BACH1: variants seen among roughly 807,000 people sequenced by gnomAD.
BACH1 encodes the protein transcription regulator protein BACH1.
Under a neutral mutation model 52.9 loss-of-function variants are expected in BACH1, and 35 were observed. The ratio of observed to expected loss-of-function variants is 0.66; its 90% CI spans 0.51 to 0.88. BACH1 has a LOEUF of 0.88. BACH1 is among the 40% of genes least tolerant of loss of function. The pLI, the probability that BACH1 is intolerant of heterozygous loss-of-function variation, is 0.00. For missense variants in BACH1, 808 were observed against 872.6 expected (o/e 0.93, Z 0.93); for synonymous variants, 321 against 319.6 (o/e 1.00, Z -0.05).
intron 2 of BACH1, among the ~76,000 whole-genome samples, chr21:29,356,451 A>G (rs574111865): frequency 6.6e-6 from 1 of 152,378 alleles, no homozygotes; most frequent in East Asian, 1.9e-4. Context: ...GTTTGAACAG[A>G]CCAATTATTA....
At position 29,358,755 on chromosome 21, in the gene BACH1, AAAAGAAAAGAAAAGAAAAGAAAG is replaced by A. The variant is rs1458753344; in HGVS notation, c.472+29070_472+29092del. Among the ~76,000 whole-genome samples the A allele has an allele frequency of 2.8e-3, 307 of 110,484 alleles. 2 individuals are homozygous for A. The highest frequency in any genetic ancestry group is 9.9e-3 in the African/African-American group (275 of 27,866). The allele number at this position is 110,484 out of a possible 152,430, so 72.5% of individuals were successfully genotyped here. ...ACTCTGTCTCAGAAAAAAAGAAAAG[AAAAGAAAAGAAAAGAAAAGAAAG>A]AAAGAAAGAAAGAAAGAAAGAAAGA... On this transcript the variant is annotated intron_variant, in intron 2 of 4. Coordinates refer to the BACH1 transcript ENST00000422809.
Position 29,345,730 on chromosome 21 carries a change from G to A in BACH1, c.*2897G>A, listed in dbSNP as rs549496011. The A allele has an allele frequency of 6.6e-6, 1 of 152,622 alleles. No individual in the cohort carries two copies. The highest frequency in any genetic ancestry group is 1.9e-4 in the East Asian group (1 of 5,184). The allele number at this position is 152,622 out of a possible 1,614,324, so 9.5% of individuals were successfully genotyped here. On this transcript the variant is annotated 3_prime_UTR_variant, in exon 5 of 5. Coordinates refer to ENST00000286800, the MANE Select transcript of BACH1 (RefSeq NM_001186.4). ...ACATTAACAACTTGGGAAAAAAATG[G>A]CAATGTTACGGTGAATTCTCAGGTG...
downstream of BACH1, among the ~76,000 whole-genome samples, chr21:29,346,352 G>T (rs1425677576): frequency 6.6e-6 from 1 of 152,030 alleles, no homozygotes; most frequent in African/African-American, 2.4e-5. Context: ...TTTACTTAAT[G>T]TTAGTTTGGA....
At chr21:29,310,127 A>G (rs1484273693) in intron 1 of BACH1, among the ~76,000 whole-genome samples, 1 of 152,192 alleles carries the variant, frequency 6.6e-6, no homozygotes, top group East Asian at 1.9e-4. Flanking sequence ...TCAACTTATC[A>G]TGTAGTGACA....
In BACH1 at chr21:29,345,926, T is replaced by C. The variant is rs1225962899; in HGVS notation, c.*3093T>C. The C allele has an allele frequency of 1.3e-5, 2 of 152,658 alleles. No individual in the cohort carries two copies. Among genetic ancestry groups the C allele is most frequent in the African/African-American group, 4.8e-5 (2 of 41,472 alleles). 9.5% of individuals were successfully genotyped at this position (152,658 alleles called of 1,614,324 possible). On this transcript the variant is annotated 3_prime_UTR_variant, in exon 5 of 5. Transcript: ENST00000286800. ...AAAGAAGCAGAAAAACATTGATTTT[T>C]TTATATCTTTCATAATATAATTTTC...
At position 29,318,931 on chromosome 21, in the gene BACH1, T is replaced by C. The variant is rs143090380; in HGVS notation, c.-60-2290T>C. ...CCCACATTGCTGCAGTGAATCTCCA[T>C]ACTGTGCGTTCAGCTAGTACTAACT... On this transcript the variant is annotated intron_variant, in intron 1 of 4. Coordinates refer to ENST00000286800, the MANE Select transcript of BACH1 (RefSeq NM_001186.4). Among the ~76,000 whole-genome samples, 30 of 152,300 alleles carry C rather than the reference T, an allele frequency of 2.0e-4. No individual in the cohort carries two copies. In the East Asian group the frequency reaches 4.8e-3, roughly 24 times the overall value.
At chr21:29,323,038 T>G (rs2088867294) in intron 2 of BACH1, among the ~76,000 whole-genome samples, 1 of 143,314 alleles carries the variant, frequency 7.0e-6, no homozygotes, top group Non-Finnish European at 1.5e-5. Flanking sequence ...AATGTGTAAA[T>G]CATAAGTTTT....
At chr21:29,358,770 A>AAAAGAAAGAAAGAAG (rs1555888604) in intron 2 of BACH1, among the ~76,000 whole-genome samples, 6 of 108,890 alleles carry the variant, frequency 5.5e-5, no homozygotes, top group African/African-American at 2.0e-4. Flanking sequence ...AAAAGAAAAG[A>AAAAGAAAGAAAGAAG]AAAGAAAGAA....
At chr21:29,327,436 T>C in intron 3 of BACH1, 43 bp downstream of exon 3, 1 of 1,570,780 alleles carries the variant, frequency 6.4e-7, no homozygotes, top group South Asian at 1.2e-5. Context: ...TAATAACCAT[T>C]AATTGGGATT....
rs750945531 is a variant in BACH1, at chr21:29,345,979, T to G, written c.*3146T>G. ...ACAATGCAATAAAACCACTAAACTT[T>G]TGTGTCCATATTTTACTGAGACCAT... On this transcript the variant is annotated 3_prime_UTR_variant, in exon 5 of 5. Coordinates refer to ENST00000286800, the MANE Select transcript of BACH1 (RefSeq NM_001186.4). The G allele has an allele frequency of 8.5e-5, 13 of 152,620 alleles. No homozygotes were observed. The highest frequency in any genetic ancestry group is 6.5e-4 in the Admixed American group (10 of 15,272). The allele number at this position is 152,620 out of a possible 1,614,324, so 9.5% of individuals were successfully genotyped here.
At position 29,345,500 on chromosome 21, in the gene BACH1, TA is replaced by T. The variant is rs1601371918; in HGVS notation, c.*2668del. 1 of 152,256 alleles carries T rather than the reference TA, an allele frequency of 6.6e-6. No homozygotes were observed. Among genetic ancestry groups the T allele is most frequent in the East Asian group, 1.9e-4 (1 of 5,204 alleles). 9.4% of individuals were successfully genotyped at this position (152,256 alleles called of 1,614,324 possible). ...TGAATTCAGTAAAATAACATTACCT[TA>T]TTTTTTTTCTTATTCAAATTCTGGA... is the stretch of plus-strand genomic sequence containing the variant. On this transcript the variant is annotated 3_prime_UTR_variant, in exon 5 of 5. Coordinates refer to ENST00000286800, the MANE Select transcript of BACH1 (RefSeq NM_001186.4).
chr21:29,323,566 G>C (rs920633225), intron 2 of BACH1, among the ~76,000 whole-genome samples: 1 of 152,146 alleles, frequency 6.6e-6, no homozygotes, highest in African/African-American at 2.4e-5. Context: ...GCTGGCAGCT[G>C]AGTGGATGGT....
intron 2 of BACH1, among the ~76,000 whole-genome samples, chr21:29,358,844 A>C (rs1430222930): frequency 6.6e-6 from 1 of 151,548 alleles, no homozygotes; most frequent in Non-Finnish European, 1.5e-5. Flanking sequence ...AAAGTGCTAA[A>C]TAGAAAGAAG....
chr21:29,346,351 T>C (rs1451462955), downstream of BACH1, among the ~76,000 whole-genome samples: 1 of 152,176 alleles, frequency 6.6e-6, no homozygotes, highest in African/African-American at 2.4e-5. Flanking sequence ...TTTTACTTAA[T>C]GTTAGTTTGG....
At chr21:29,305,845 T>C (rs2088651111) in intron 1 of BACH1, among the ~76,000 whole-genome samples, 1 of 152,248 alleles carries the variant, frequency 6.6e-6, no homozygotes, top group South Asian at 2.1e-4. Context: ...GGTTTACATT[T>C]AACTTATGAA....
intron 4 of BACH1, among the ~76,000 whole-genome samples, chr21:29,341,644 G>A (rs1417830255): frequency 6.6e-6 from 1 of 152,122 alleles, no homozygotes; most frequent in Non-Finnish European, 1.5e-5. Context: ...TAATTAGCAA[G>A]CACAAAATTA....
At chr21:29,328,821 C>A (rs2088947267) in intron 3 of BACH1, among the ~76,000 whole-genome samples, 1 of 152,132 alleles carries the variant, frequency 6.6e-6, no homozygotes, top group African/African-American at 2.4e-5. Context: ...CTGTGTCTGG[C>A]TTATTTCACT....
intron 4 of BACH1, among the ~76,000 whole-genome samples, chr21:29,335,162 TGACTG>T (rs1428572971): frequency 6.6e-6 from 1 of 152,162 alleles, no homozygotes; most frequent in African/African-American, 2.4e-5. Flanking sequence ...TGGAGACAAA[TGACTG>T]GAAAGCCTGC....
At chr21:29,337,655 C>T (rs759167443) in intron 4 of BACH1, among the ~76,000 whole-genome samples, 1 of 152,060 alleles carries the variant, frequency 6.6e-6, no homozygotes, top group African/African-American at 2.4e-5. Flanking sequence ...AAAATGAGAA[C>T]ACTTGGACAC....
Sources: gnomAD v4.1 joint callset for allele counts (sites outside exome capture counted in the v4.1 genomes callset) on GRCh38, gnomAD v4.1.1 for gene constraint, MANE v1.5 for transcripts, NCBI Gene and HGNC (gene_info 2026-07-23, HGNC 2026-07-21) for gene names.